FASN: variants seen among roughly 807,000 people sequenced by gnomAD.
FASN encodes the protein fatty acid synthase, also known as 3-hydroxyacyl-[acyl-carrier-protein] dehydratase.
A neutral mutation model predicts 250.0 loss-of-function variants in FASN; 50 were observed. The observed-to-expected ratio is 0.20, with a 90% CI of 0.16 to 0.25. The LOEUF (loss-of-function observed/expected upper bound fraction) is 0.25. Ranked by LOEUF, FASN falls within the 10% of genes least tolerant of loss-of-function variation. FASN has a pLI of 1.00. For synonymous variants in FASN, 1,909 were observed against 1,584.0 expected (o/e 1.21, Z -4.87); for missense variants, 3,031 against 3,498.5 (o/e 0.87, Z 3.37).
chr17:82,091,798 C>T, intron 8 of FASN, 114 bp from the exon 9 acceptor site: 1 of 949,538 alleles, frequency 1.1e-6, no homozygotes, highest in African/African-American at 1.6e-5. Context: ...AGGGCCCTCT[C>T]CGATGCACTT....
Position 82,085,757 on chromosome 17 carries a change from C to A in FASN, c.3847G>T (p.Ala1283Ser), listed in dbSNP as rs924118086. 3 of 1,565,192 alleles carry A rather than the reference C, an allele frequency of 1.9e-6. No homozygotes were observed. Among genetic ancestry groups the A allele is most frequent in the African/African-American group, 2.7e-5 (2 of 73,896 alleles). Residue 1283 changes from alanine (A) to serine (S), a missense_variant, in exon 23 of 43, where the codon GCC (alanine) becomes TCC (serine). Physicochemically the swap from Ala to Ser is moderately conservative, Grantham distance 99. Transcript: ENST00000306749. Reference protein sequence around the residue: ...TDRHPQALEAAQAELQQHDVA... With the variant: ...TDRHPQALEASQAELQQHDVA... ...TCGTGCTGCTGCAGCTCGGCCTGGGCAGCCTCCAGGGCCTGGGGGTGGCGG... is the reference window on the plus strand; with the variant it reads ...TCGTGCTGCTGCAGCTCGGCCTGGGAAGCCTCCAGGGCCTGGGGGTGGCGG...
rs759454700 is a variant in FASN, at chr17:82,089,324, G to A, written c.2026C>T (p.Arg676Trp). Residue 676 changes from arginine to tryptophan, a missense_variant, in exon 13 of 43, where the codon CGG becomes TGG. By Grantham distance (101) the Arg-to-Trp change is moderately radical. Transcript: ENST00000306749. ...GAGTGGAAGGCCATACCGCCGGTCC[G>A]CACCTCCTTGGCAAACACACCCTCC... ...RKEGVFAKEV[R>W]TGGMAFHSYF... 18 of 1,612,690 alleles carry A rather than the reference G, an allele frequency of 1.1e-5. No individual in the cohort carries two copies. Among genetic ancestry groups the A allele is most frequent in the Middle Eastern group, 1.6e-4 (1 of 6,082 alleles).
intron 27 of FASN, 30 bp from the exon 28 acceptor site, chr17:82,084,414 G>C (rs546448772): frequency 3.8e-6 from 6 of 1,593,516 alleles, no homozygotes; most frequent in Non-Finnish European, 5.1e-6. Flanking sequence ...GCCCCTCACC[G>C]CCTGCCCTTC....
At chr17:82,087,597 G>T (rs2034128216) in intron 19 of FASN, 88 bp downstream of exon 19, 10 of 1,599,844 alleles carry the variant, frequency 6.3e-6, no homozygotes, top group Non-Finnish European at 7.6e-6. Flanking sequence ...CTCCCAAGCT[G>T]CATGCCTAGC....
Position 82,091,957 on chromosome 17 carries a change from C to T in FASN, c.1030-273G>A, listed in dbSNP as rs957679547. Among the ~76,000 whole-genome samples the T allele has an allele frequency of 2.9e-4, 44 of 152,244 alleles. 2 individuals carry two copies. Among genetic ancestry groups the T allele is most frequent in the Admixed American group, 2.9e-3 (44 of 15,284 alleles). On this transcript the variant is annotated intron_variant, in intron 8 of 42. Coordinates refer to ENST00000306749, the MANE Select transcript of FASN (RefSeq NM_004104.5). ...CACCAAAGCCTGGCTGTGGCCTGAA[C>T]ACTAAGGCCCCCTTGGCCCAGATGT...
rs142807582 is a variant in FASN, at chr17:82,090,936, G to T, written c.1626C>A (p.Asp542Glu). The change falls in exon 10 of 43, where the codon GAC (aspartate) becomes GAA (glutamate). Residue 542 changes from aspartate (D) to glutamate (E), a missense_variant. Coordinates refer to ENST00000306749, the MANE Select transcript of FASN (RefSeq NM_004104.5). ...GGACGATGTCATCAAAGGTGCTCTC[G>T]TCTGTGCTCAGCAGCAGCTGTGACA... ...LKVSQLLLST[D>E]ESTFDDIVHS... 1.2e-6 allele frequency: 2 copies of T among 1,612,292 alleles called. No individual in the cohort carries two copies. The highest frequency in any genetic ancestry group is 1.7e-6 in the Non-Finnish European group (2 of 1,179,736).
intron 1 of FASN, among the ~76,000 whole-genome samples, 164 bp downstream of exon 1, chr17:82,097,957 G>A (rs1455887051): frequency 6.6e-6 from 1 of 151,904 alleles, no homozygotes; most frequent in Non-Finnish European, 1.5e-5. Context: ...CTCCGAAGGG[G>A]CACGAACACC....
Position 82,078,844 on chromosome 17 carries a change from C to T in FASN, c.*299G>A. ...TATGCAAATCCAAGCACAGAAAGAC[C>T]AAGCGCAGACCCCACGGGCGCACGA... On this transcript the variant is annotated 3_prime_UTR_variant, in exon 43 of 43. Coordinates refer to ENST00000306749, the MANE Select transcript of FASN (RefSeq NM_004104.5). This position sits in a 1 kb window ranked among gnomAD's most constrained non-coding sequence, Gnocchi z 5.4. 1 of 526,662 alleles carries T rather than the reference C, an allele frequency of 1.9e-6. No homozygotes were observed. Among genetic ancestry groups the T allele is most frequent in the Non-Finnish European group, 3.5e-6 (1 of 289,050 alleles). The allele number at this position is 526,662 out of a possible 1,614,324, so 32.6% of individuals were successfully genotyped here.
Position 82,087,497 on chromosome 17 carries a change from C to A in FASN, c.3051G>T (p.Ser1017=), listed in dbSNP as rs772298601. 6.2e-7 allele frequency: 1 copy of A among 1,612,234 alleles called. No homozygotes were observed. The highest frequency in any genetic ancestry group is 8.5e-7 in the Non-Finnish European group (1 of 1,179,982). ...AGTTATCCTTCCACAGCAGCCTCCCCGAGTCACCTGCACACAGGGCCTGGT... is the reference window on the plus strand; with the variant it reads ...AGTTATCCTTCCACAGCAGCCTCCCAGAGTCACCTGCACACAGGGCCTGGT... The part of the protein sequence containing the change: ...GILEASLEGD[S]GRLLWKDNWV... Residue 1017 remains serine, a synonymous_variant, in exon 20 of 43, where the codon TCG becomes TCT. Coordinates refer to ENST00000306749, the MANE Select transcript of FASN (RefSeq NM_004104.5).
At position 82,086,997 on chromosome 17, in the gene FASN, C is replaced by T. The variant is rs116265052; in HGVS notation, c.3427+53G>A. On this transcript the variant is annotated intron_variant, in intron 21 of 42. Coordinates refer to ENST00000306749, the MANE Select transcript of FASN (RefSeq NM_004104.5). ...AGTCTGGGGTCAACGTGAGGGGAGG[C>T]GATCGCTCCTCATCGCCAGAGGTGT... The T allele has an allele frequency of 4.0e-5, 63 of 1,590,648 alleles. No homozygotes were observed. In the African/African-American group the frequency reaches 6.4e-4, roughly 16 times the overall value.
chr17:82,082,742 C>T (rs2034013407), intron 33 of FASN, 64 bp from the exon 34 acceptor site: 2 of 1,588,530 alleles, frequency 1.3e-6, no homozygotes, highest in South Asian at 1.1e-5. Flanking sequence ...ACACGCCGGG[C>T]TGGGGAAGTG....
Position 82,089,240 on chromosome 17 carries a change from A to G in FASN, c.2100+10T>C, listed in dbSNP as rs1555668292. 8 of 1,612,324 alleles carry G rather than the reference A, an allele frequency of 5.0e-6. No homozygotes were observed. Among genetic ancestry groups the G allele is most frequent in the Middle Eastern group, 1.7e-4 (1 of 6,060 alleles). On this transcript the variant is annotated intron_variant, in intron 13 of 42. Coordinates refer to ENST00000306749, the MANE Select transcript of FASN (RefSeq NM_004104.5). ...GCCCGCCCCGCACCCCCCAGGCCGT[A>G]TTAGTCCACCTTCTTGAGCTCCTGC...
rs1342929681 is a variant in FASN at position 82,083,126 on chromosome 17, G to C, written c.5566-11C>G. On this transcript the variant is annotated splice_polypyrimidine_tract_variant and intron_variant, in intron 32 of 42. Transcript: ENST00000306749. Reference sequence around the variant, plus strand: ...CTCCTCCGCAAGCACCTGCGTCCAAGCAGCACCCACCGGCTCAGGCACTGC... The same window carrying C: ...CTCCTCCGCAAGCACCTGCGTCCAACCAGCACCCACCGGCTCAGGCACTGC... 1.2e-6 allele frequency: 2 copies of C among 1,610,148 alleles called. No individual in the cohort carries two copies. Among genetic ancestry groups the C allele is most frequent in the Admixed American group, 3.3e-5 (2 of 59,998 alleles).
chr17:82,088,061 G>A (rs2034136996), intron 17 of FASN, 27 bp from the exon 18 acceptor site: 1 of 1,612,616 alleles, frequency 6.2e-7, no homozygotes, highest in Admixed American at 1.7e-5. Context: ...TTGGAGATCA[G>A]AGGGCAGCAC....
At position 82,092,780 on chromosome 17, in the gene FASN, G is replaced by A. The variant is rs1448685799; in HGVS notation, c.811C>T (p.Gln271Ter). ...GACTGGTACAACGAGCGGATGAGCTGCTCCTGGATATCCCCTGAGGGGAAG... is the reference window on the plus strand; with the variant it reads ...GACTGGTACAACGAGCGGATGAGCTACTCCTGGATATCCCCTGAGGGGAAG... Reference protein sequence around the residue: ...VTFPSGDIQEQLIRSLYQSAG... With the variant: ...VTFPSGDIQE The change falls in exon 7 of 43, where the codon CAG (glutamine) becomes TAG (stop). Residue 271 changes from glutamine (Q) to a stop codon, truncating the protein, a stop_gained. Transcript: ENST00000306749. LOFTEE classifies it high-confidence loss of function. 6.2e-7 allele frequency: 1 copy of A among 1,604,332 alleles called. No homozygotes were observed. The highest frequency in any genetic ancestry group is 1.3e-5 in the African/African-American group (1 of 74,730).
chr17:82,095,858 C>T (rs2034293854), intron 2 of FASN, among the ~76,000 whole-genome samples: 1 of 152,338 alleles, frequency 6.6e-6, no homozygotes, highest in Admixed American at 6.5e-5. Flanking sequence ...GTTGCTCCAG[C>T]CTCCCGGAGC....
Position 82,080,537 on chromosome 17 carries a change from T to C in FASN, c.6880A>G (p.Arg2294Gly), listed in dbSNP as rs761208637. 6 of 1,561,416 alleles carry C rather than the reference T, an allele frequency of 3.8e-6. No homozygotes were observed. In the East Asian group the frequency reaches 1.2e-4, roughly 31 times the overall value. ...SLAAYYIDCI[R>G]QVQPEGPYRV... ...TAGGGGCCCTCGGGCTGCACCTGCC[T>C]GATGCAGTCGATGTAGTAGGCAGCC... The change falls in exon 40 of 43, where the codon AGG becomes GGG. Residue 2294 changes from arginine (R) to glycine (G), a missense_variant. Coordinates refer to ENST00000306749, the MANE Select transcript of FASN (RefSeq NM_004104.5).
Position 82,098,180 on chromosome 17 carries a change from C to G in FASN, c.-67G>C. ...AGAGCGAGGCTGGAGCGCGGCGGAG[C>G]GGGAGGCTGAAGCGCGGCGGAGAGG... On this transcript the variant is annotated 5_prime_UTR_variant, in exon 1 of 43. Coordinates refer to ENST00000306749, the MANE Select transcript of FASN (RefSeq NM_004104.5). 2.8e-6 allele frequency: 1 copy of G among 361,788 alleles called. No homozygotes were observed. Among genetic ancestry groups the G allele is most frequent in the South Asian group, 1.3e-4 (1 of 7,602 alleles). 22.4% of individuals were successfully genotyped at this position (361,788 alleles called of 1,614,324 possible). A position where few individuals can be genotyped will look rare whatever the true frequency, so the allele number is the denominator to read the frequency against.
intron 19 of FASN, 48 bp from the exon 20 acceptor site, chr17:82,087,552 G>A: frequency 2.5e-6 from 4 of 1,607,090 alleles, no homozygotes; most frequent in South Asian, 1.1e-5. Context: ...GGTCCCTGGG[G>A]CCACCTCCCA....
Sources: allele counts gnomAD v4.1 joint callset (sites outside exome capture counted in the v4.1 genomes callset), GRCh38; gene constraint gnomAD v4.1.1; non-coding constraint Gnocchi (gnomAD v3.1); transcripts MANE v1.5; gene names NCBI Gene and HGNC (gene_info 2026-07-23, HGNC 2026-07-21).